Variants in EXOC2 observed in about 807,000 individuals in gnomAD.
The protein encoded by EXOC2 is SEC5-like 1.
A neutral mutation model predicts 131.8 loss-of-function variants in EXOC2; 70 were observed. The observed-to-expected ratio is 0.53, with a 90% confidence interval of 0.44 to 0.65. The LOEUF is 0.65. Ranked by LOEUF, EXOC2 falls within the 30% of genes least tolerant of loss-of-function variation. The probability of loss-of-function intolerance (pLI) is 0.00; values close to 1 mark genes in which losing one functional copy is unlikely to be tolerated. For missense variants in EXOC2, 923 were observed against 1,108.6 expected (o/e 0.83, Z 2.38); for synonymous variants, 411 against 398.4 (o/e 1.03, Z -0.38).
At chr6:673,252 C>CAA (rs56189394) in intron 1 of EXOC2, among the ~76,000 whole-genome samples, 45 of 64,254 alleles carry the variant, frequency 7.0e-4, no homozygotes, top group African/African-American at 1.3e-3. Context: ...ACTCCATAGC[C>CAA]AAAAAAAAAA....
Position 552,212 on chromosome 6 carries a change from C to T in EXOC2, c.2121+1642G>A, listed in dbSNP as rs114353652. Among the ~76,000 whole-genome samples the T allele has an allele frequency of 5.0e-3, 766 of 152,344 alleles. 10 individuals carry two copies. Among genetic ancestry groups the T allele is most frequent in the African/African-American group, 0.017 (724 of 41,582 alleles). ...ATGCTTTAAACCCTCCCATGAAGTC[C>T]ACACCCAGGCCCCCTCACTGCCGAC... On this transcript the variant is annotated intron_variant, in intron 21 of 27. Coordinates refer to ENST00000230449, the MANE Select transcript of EXOC2 (RefSeq NM_018303.6).
intron 24 of EXOC2, among the ~76,000 whole-genome samples, 178 bp from the exon 25 acceptor site, chr6:497,667 T>C (rs1434481003): frequency 6.6e-6 from 1 of 152,252 alleles, no homozygotes; most frequent in Non-Finnish European, 1.5e-5. Flanking sequence ...TTCTATTGAC[T>C]GATTAACAAC....
intron 23 of EXOC2, among the ~76,000 whole-genome samples, chr6:503,352 A>G (rs1764341272): frequency 1.3e-5 from 2 of 152,186 alleles, no homozygotes; most frequent in African/African-American, 4.8e-5. Context: ...TCTCCAGTAT[A>G]TGTAAGACCC....
intron 11 of EXOC2, among the ~76,000 whole-genome samples, chr6:580,307 T>A (rs1414188851): frequency 1.3e-5 from 2 of 152,200 alleles, no homozygotes; most frequent in Non-Finnish European, 2.9e-5. Flanking sequence ...CCCCAGGTGC[T>A]GGGATTACAG....
Position 497,486 on chromosome 6 carries a change from A to T in EXOC2, c.2440T>A (p.Phe814Ile). The T allele has an allele frequency of 6.2e-7, 1 of 1,609,438 alleles. No homozygotes were observed. The highest frequency in any genetic ancestry group is 2.2e-5 in the East Asian group (1 of 44,718). The change falls in exon 25 of 28, where the codon TTC becomes ATC. Residue 814 changes from phenylalanine (F) to isoleucine (I), a missense_variant. By Grantham distance (21) the Phe-to-Ile change is conservative (BLOSUM62 0). Coordinates refer to ENST00000230449, the MANE Select transcript of EXOC2 (RefSeq NM_018303.6). ...VNIIAVHAEV[F>I]TISKELVPRV... is the part of the protein sequence containing the mutation. Reference sequence around the variant, plus strand: ...GGGACCAGTTCTTTGGAAATGGTGAACACCTGGTTTGAAATAGGAAGACAT... The same window carrying T: ...GGGACCAGTTCTTTGGAAATGGTGATCACCTGGTTTGAAATAGGAAGACAT...
chr6:565,932 G>C (rs1327390314), intron 13 of EXOC2, among the ~76,000 whole-genome samples: 1 of 152,172 alleles, frequency 6.6e-6, no homozygotes, highest in Non-Finnish European at 1.5e-5. Flanking sequence ...GGTTAGGATT[G>C]TTGGGTGTTT....
Position 598,949 on chromosome 6 carries a change from A to G in EXOC2, c.889-8T>C, listed in dbSNP as rs1195653504. 6.3e-7 allele frequency: 1 copy of G among 1,592,982 alleles called. No homozygotes were observed. Among genetic ancestry groups the G allele is most frequent in the East Asian group, 2.2e-5 (1 of 44,690 alleles). ...AACCACATCATAATCACCCTTTAAAATAAAGAAACATTTTGAAAACTGTCA... is the reference window on the plus strand; with the variant it reads ...AACCACATCATAATCACCCTTTAAAGTAAAGAAACATTTTGAAAACTGTCA... On this transcript the variant is annotated splice_region_variant and splice_polypyrimidine_tract_variant and intron_variant, in intron 8 of 27. Transcript: ENST00000230449.
At chr6:515,759 C>T (rs994207058) in intron 23 of EXOC2, among the ~76,000 whole-genome samples, 1 of 150,544 alleles carries the variant, frequency 6.6e-6, no homozygotes, top group African/African-American at 2.5e-5. Flanking sequence ...TAGGAGGGAG[C>T]GAGAAGCCAG....
At chr6:656,094 AGCTG>A (rs1561978498) in intron 1 of EXOC2, 1 of 1,571,628 alleles carries the variant, frequency 6.4e-7, no homozygotes, top group Non-Finnish European at 8.7e-7. Context: ...AAAAAATCTA[AGCTG>A]GCTGAATTTT....
intron 22 of EXOC2, among the ~76,000 whole-genome samples, chr6:542,730 G>A (rs1305277285): frequency 6.6e-6 from 1 of 152,200 alleles, no homozygotes; most frequent in African/African-American, 2.4e-5. Flanking sequence ...TAGTAAGCTG[G>A]CATTGAATGT....
intron 11 of EXOC2, among the ~76,000 whole-genome samples, chr6:587,487 G>A (rs984231411): frequency 3.3e-5 from 5 of 152,220 alleles, no homozygotes; most frequent in East Asian, 3.9e-4. Context: ...CTCATGGTCC[G>A]CCAGCCTCAG....
At chr6:657,053 C>G in intron 1 of EXOC2, 1 of 942,228 alleles carries the variant, frequency 1.1e-6, no homozygotes, top group East Asian at 2.9e-5. Context: ...TCCCTCCGGC[C>G]CCCCAGCTAG....
At chr6:586,348 G>A (rs3757120) in intron 11 of EXOC2, among the ~76,000 whole-genome samples, 17,546 of 152,198 alleles carry the variant, frequency 0.12, 1,173 homozygotes, top group Non-Finnish European at 0.14. Flanking sequence ...CCTTCCCAGG[G>A]ACAGCCTTAC....
chr6:656,638 G>A, intron 1 of EXOC2: 1 of 1,606,498 alleles, frequency 6.2e-7, no homozygotes, highest in Non-Finnish European at 8.5e-7. Context: ...TGGGTCAGCT[G>A]CAGCTTCAGG....
At chr6:615,207 G>GTA (rs1760931250) in intron 6 of EXOC2, among the ~76,000 whole-genome samples, 1 of 149,388 alleles carries the variant, frequency 6.7e-6, no homozygotes, top group Non-Finnish European at 1.5e-5. Flanking sequence ...GTGTGTGTGT[G>GTA]TGTATGTATG....
chr6:600,260 G>C (rs1760057265), intron 7 of EXOC2, among the ~76,000 whole-genome samples: 1 of 152,084 alleles, frequency 6.6e-6, no homozygotes, highest in Non-Finnish European at 1.5e-5. Context: ...ACTTTGTTTT[G>C]TCAAGATAAC....
At chr6:582,040 GT>G (rs1417769826) in intron 11 of EXOC2, among the ~76,000 whole-genome samples, 2 of 152,252 alleles carry the variant, frequency 1.3e-5, no homozygotes, top group African/African-American at 4.8e-5. Flanking sequence ...AACAATCCTA[GT>G]CACTTCACTA....
intron 17 of EXOC2, among the ~76,000 whole-genome samples, chr6:558,276 C>T (rs1404280275): frequency 6.6e-6 from 1 of 152,092 alleles, no homozygotes; most frequent in Non-Finnish European, 1.5e-5. Flanking sequence ...ACTTTGAAAC[C>T]ACCAGAGGGC....
At chr6:673,252 C>CAAA (rs56189394) in intron 1 of EXOC2, among the ~76,000 whole-genome samples, 21 of 64,260 alleles carry the variant, frequency 3.3e-4, no homozygotes, top group African/African-American at 9.1e-4. Context: ...ACTCCATAGC[C>CAAA]AAAAAAAAAA....
Sources: allele counts gnomAD v4.1 joint callset (sites outside exome capture counted in the v4.1 genomes callset), GRCh38; gene constraint gnomAD v4.1.1; transcripts MANE v1.5; gene names NCBI Gene and HGNC (gene_info 2026-07-23, HGNC 2026-07-21).